Variants in TMPRSS6 observed in about 807,000 individuals in gnomAD.
TMPRSS6 encodes the protein transmembrane protease serine 6.
TMPRSS6 carries 67 observed loss-of-function variants against 101.5 expected under a neutral mutation model. That is an observed-to-expected ratio of 0.66 (90% CI 0.54 to 0.81). The LOEUF (loss-of-function observed/expected upper bound fraction) is 0.81. Among genes scored for constraint, TMPRSS6 ranks in the 30% least tolerant of loss-of-function variants. The pLI is 0.00. For missense variants in TMPRSS6, 1,034 were observed against 1,088.7 expected (o/e 0.95, Z 0.71); for synonymous variants, 453 against 464.9 (o/e 0.97, Z 0.33).
intron 6 of TMPRSS6, among the ~76,000 whole-genome samples, chr22:37,093,175 C>T (rs1929421787): frequency 6.6e-6 from 1 of 152,154 alleles, no homozygotes; most frequent in Non-Finnish European, 1.5e-5. Context: ...TGGACATGCA[C>T]TGAACCAGTC....
intron 13 of TMPRSS6, among the ~76,000 whole-genome samples, chr22:37,072,827 GGATA>G (rs147611953): frequency 1.4e-5 from 2 of 143,378 alleles, no homozygotes; most frequent in African/African-American, 2.7e-5. Context: ...ATGGATGGAT[GGATA>G]GACGGATGAT....
rs1308162580 is a variant in TMPRSS6, at chr22:37,103,224, T to C, written c.194A>G (p.Tyr65Cys). Residue 65 changes from tyrosine (Y) to cysteine (C), a missense_variant, in exon 2 of 18, where the codon TAT becomes TGT. Physicochemically the swap from Tyr to Cys is radical, Grantham distance 194 (BLOSUM62 -2). Transcript: ENST00000676104. This position sits in a 1 kb window ranked among gnomAD's most constrained non-coding sequence, Gnocchi z 4.4. ...VLASAGVLLW[Y>C]FLGYKAEVMV... ...CGGTCCCACAACGTTACCTAGGAAA[T>C]ACCAGAGTAGCACCCCCGCCGAAGC... is the stretch of plus-strand genomic sequence containing the variant. The C allele has an allele frequency of 1.9e-6, 3 of 1,613,824 alleles. No individual in the cohort carries two copies. The highest frequency in any genetic ancestry group is 2.5e-6 in the Non-Finnish European group (3 of 1,179,858).
At chr22:37,071,551 C>T (rs1400804321) in intron 13 of TMPRSS6, among the ~76,000 whole-genome samples, 1 of 152,256 alleles carries the variant, frequency 6.6e-6, no homozygotes, top group Non-Finnish European at 1.5e-5. Context: ...TGACCTCCTC[C>T]CTGCCCTCCA....
intron 6 of TMPRSS6, among the ~76,000 whole-genome samples, chr22:37,092,877 G>A (rs1190134775): frequency 1.3e-5 from 2 of 152,230 alleles, no homozygotes; most frequent in African/African-American, 4.8e-5. Context: ...GTAGATCTGG[G>A]ACTCTGTGTG....
intron 7 of TMPRSS6, among the ~76,000 whole-genome samples, chr22:37,087,012 G>A (rs553997385): frequency 1.3e-5 from 2 of 152,306 alleles, no homozygotes; most frequent in Admixed American, 1.3e-4. Flanking sequence ...CACTGTTGGG[G>A]TCAGCTGCTT....
intron 10 of TMPRSS6, among the ~76,000 whole-genome samples, chr22:37,080,564 T>C (rs1490314703): frequency 6.6e-6 from 1 of 152,264 alleles, no homozygotes; most frequent in African/African-American, 2.4e-5. Flanking sequence ...TTTCTCAGCA[T>C]CTACATGGGA....
At chr22:37,066,339 G>T in intron 17 of TMPRSS6, 101 bp from the exon 18 acceptor site, 1 of 1,206,530 alleles carries the variant, frequency 8.3e-7, no homozygotes, top group Non-Finnish European at 1.1e-6. Flanking sequence ...GGAATTGACT[G>T]GGTGCCAGAG....
chr22:37,083,003 C>G (rs57546533), intron 10 of TMPRSS6: 12,942 of 471,036 alleles, frequency 0.027, 271 homozygotes, highest in African/African-American at 0.07. Context: ...TGGGAACACA[C>G]ACCCCAGAAA....
rs1926274306 is a variant in TMPRSS6 at position 37,066,247 on chromosome 22, G to A, written c.2251-9C>T. Reference sequence around the variant, plus strand: ...GGACCACCTGAGTCACCCTGAAAGGGGGAAAGGAGAAAGGACTGAAGCAGG... The same window carrying A: ...GGACCACCTGAGTCACCCTGAAAGGAGGAAAGGAGAAAGGACTGAAGCAGG... On this transcript the variant is annotated splice_polypyrimidine_tract_variant and intron_variant, in intron 17 of 17. Transcript: ENST00000676104. 1.2e-6 allele frequency: 2 copies of A among 1,607,070 alleles called. No homozygotes were observed. Among genetic ancestry groups the A allele is most frequent in the Non-Finnish European group, 1.7e-6 (2 of 1,176,436 alleles).
intron 10 of TMPRSS6, among the ~76,000 whole-genome samples, chr22:37,081,064 C>T (rs1276618791): frequency 6.6e-6 from 1 of 152,264 alleles, no homozygotes; most frequent in Non-Finnish European, 1.5e-5. Context: ...ATTACTTCAT[C>T]TCTCTGTGTC....
chr22:37,073,507 A>T, intron 13 of TMPRSS6, 25 bp downstream of exon 13: 1 of 1,541,966 alleles, frequency 6.5e-7, no homozygotes, highest in Non-Finnish European at 9.0e-7. Context: ...GTGTCCCTCC[A>T]GACACTCGGC....
At chr22:37,106,558 T>C (rs1227418561) in intron 1 of TMPRSS6, among the ~76,000 whole-genome samples, 1 of 152,116 alleles carries the variant, frequency 6.6e-6, no homozygotes, top group African/African-American at 2.4e-5. Flanking sequence ...GGGAAATTAA[T>C]TCCCCCGGGC....
chr22:37,079,609 TG>T (rs1382259861), intron 10 of TMPRSS6, among the ~76,000 whole-genome samples: 1 of 152,216 alleles, frequency 6.6e-6, no homozygotes, highest in Admixed American at 6.5e-5. Flanking sequence ...GCTCTAGACC[TG>T]GGGCTGCAGA....
intron 16 of TMPRSS6, 115 bp downstream of exon 16, chr22:37,068,958 G>A (rs1926586718): frequency 6.8e-6 from 10 of 1,464,572 alleles, no homozygotes; most frequent in East Asian, 2.5e-5. Flanking sequence ...CAGCACTAGA[G>A]GGCCTATGGG....
Position 37,070,661 on chromosome 22 carries a change from G to A in TMPRSS6, c.1673-9C>T, listed in dbSNP as rs1926810536. The A allele has an allele frequency of 6.2e-7, 1 of 1,612,256 alleles. No homozygotes were observed. The highest frequency in any genetic ancestry group is 8.5e-7 in the Non-Finnish European group (1 of 1,179,550). ...GCCCTGGAGGCCACAGTCTGGGGAT[G>A]GGGGCAGGTGGTGGGGTGGACAGAG... is the stretch of plus-strand genomic sequence containing the variant. On this transcript the variant is annotated splice_polypyrimidine_tract_variant and intron_variant, in intron 14 of 17. Transcript: ENST00000676104.
chr22:37,079,631 C>A (rs1422767784), intron 10 of TMPRSS6, among the ~76,000 whole-genome samples: 1 of 152,220 alleles, frequency 6.6e-6, no homozygotes, highest in Non-Finnish European at 1.5e-5. Context: ...GCTGAATTGG[C>A]AGCCTGGCTT....
chr22:37,072,435 GGAT>G (rs1454545019), intron 13 of TMPRSS6, among the ~76,000 whole-genome samples: 1 of 148,264 alleles, frequency 6.7e-6, no homozygotes, highest in Non-Finnish European at 1.5e-5. Flanking sequence ...ATGGATTGAT[GGAT>G]GATGGATGGA....
Position 37,084,372 on chromosome 22 carries a change from C to A in TMPRSS6, c.1119G>T (p.Trp373Cys). 3.1e-6 allele frequency: 5 copies of A among 1,613,008 alleles called. No homozygotes were observed. Among genetic ancestry groups the A allele is most frequent in the Non-Finnish European group, 4.2e-6 (5 of 1,179,500 alleles). ...GCCTCCTCAGTGCATAGGCATCAAA[C>A]CAGAGGGCCAAGCCGTAGTCCAGAG... is the stretch of plus-strand genomic sequence containing the variant. ...VPSLDYGLAL[W>C]FDAYALRRQK... The change falls in exon 10 of 18, where the codon TGG (tryptophan) becomes TGT (cysteine). Residue 373 changes from tryptophan (W) to cysteine (C), a missense_variant. By Grantham distance (215) the Trp-to-Cys change is radical (BLOSUM62 -2). Coordinates refer to ENST00000676104, the MANE Select transcript of TMPRSS6 (RefSeq NM_001374504.1).
At chr22:37,097,200 C>T (rs533445091) in intron 3 of TMPRSS6, among the ~76,000 whole-genome samples, 3 of 152,218 alleles carry the variant, frequency 2.0e-5, no homozygotes, top group African/African-American at 7.2e-5. Context: ...AATCTGCAGC[C>T]GGGTCCTGTT....
Sources: gnomAD v4.1 joint callset for allele counts (sites outside exome capture counted in the v4.1 genomes callset) on GRCh38, gnomAD v4.1.1 for gene constraint, Gnocchi (gnomAD v3.1) non-coding constraint, MANE v1.5 for transcripts, NCBI Gene and HGNC (gene_info 2026-07-23, HGNC 2026-07-21) for gene names.